The following TEDC1 variants were observed in gnomAD, a reference collection of about 807,000 sequenced individuals.
The protein encoded by TEDC1 is tubulin epsilon and delta complex protein 1.
Under a neutral mutation model 59.9 loss-of-function variants are expected in TEDC1, and 54 were observed. That is an observed-to-expected ratio of 0.90 (90% CI 0.72 to 1.13). The LOEUF (loss-of-function observed/expected upper bound fraction) is 1.13. Among genes scored for constraint, TEDC1 ranks in the 50% most tolerant of loss-of-function variants. The pLI is 0.00. For missense variants in TEDC1, 734 were observed against 683.4 expected (o/e 1.07, Z -0.83); for synonymous variants, 353 against 298.1 (o/e 1.18, Z -1.90).
At position 105,497,242 on chromosome 14, in the gene TEDC1, C is replaced by T. The variant is rs180968258; in HGVS notation, c.892-115C>T. Reference sequence around the variant, plus strand: ...CGCAGGCAGGGGAGGGCTGCAGGGGCGGGGCGTGAGCTAGGCGTTGGGCCG... The same window carrying T: ...CGCAGGCAGGGGAGGGCTGCAGGGGTGGGGCGTGAGCTAGGCGTTGGGCCG... On this transcript the variant is annotated intron_variant, in intron 6 of 8. Coordinates refer to ENST00000392523, the MANE Select transcript of TEDC1 (RefSeq NM_001367178.1). 1,238 of 1,007,992 alleles carry T rather than the reference C, an allele frequency of 1.2e-3. 1 individual carries two copies. Among genetic ancestry groups the T allele is most frequent in the Admixed American group, 2.3e-3 (109 of 48,042 alleles). The allele number at this position is 1,007,992 out of a possible 1,614,324, so 62.4% of individuals were successfully genotyped here.
intron 6 of TEDC1, 53 bp downstream of exon 6, chr14:105,496,139 T>TGTTGGTGGGTGTGGGGGGGGGGGGG: frequency 3.1e-5 from 1 of 32,264 alleles, no homozygotes; most frequent in Non-Finnish European, 5.1e-5. Flanking sequence ...TGGGGGTGGG[T>TGTTGGTGGGTGTGGGGGGGGGGGGG]GGGAGGGGGT....
rs781817985 is a variant in TEDC1 at position 105,492,238 on chromosome 14, C to T, written c.358C>T (p.Arg120Ter). 3.0e-5 allele frequency: 49 copies of T among 1,611,412 alleles called. No homozygotes were observed. The highest frequency in any genetic ancestry group is 7.7e-5 in the South Asian group (7 of 91,084). Residue 120 changes from arginine (R) to a stop codon, truncating the protein, a stop_gained, in exon 3 of 9, where the codon CGA (arginine) becomes TGA (stop). Coordinates refer to ENST00000392523, the MANE Select transcript of TEDC1 (RefSeq NM_001367178.1). LOFTEE classifies it high-confidence loss of function. ...LLLALSWLLARGPVPEQMLAQ... is the reference protein window; with the variant it reads ...LLLALSWLLA ...GCTGGCTCTGTCCTGGCTCTTGGCC[C>T]GAGGACCTGTGCCCGAGCAGATGCT...
At position 105,498,897 on chromosome 14, in the gene TEDC1, T is replaced by A; in HGVS notation, c.1439T>A (p.Leu480Gln). The change falls in exon 9 of 9, where the codon CTG becomes CAG. Residue 480 changes from leucine to glutamine, a missense_variant. Physicochemically the swap from Leu to Gln is moderately radical, Grantham distance 113 (BLOSUM62 -2). Coordinates refer to ENST00000392523, the MANE Select transcript of TEDC1 (RefSeq NM_001367178.1). ...QGQCRQELAR[L>Q]VGARPGLIWI... ...CAGTGTCGGCAGGAACTGGCCAGGC[T>A]GGTGGGAGCCCGCCCTGGTCTCATC... The A allele has an allele frequency of 1.2e-6, 2 of 1,611,538 alleles. No homozygotes were observed. Among genetic ancestry groups the A allele is most frequent in the Non-Finnish European group, 8.5e-7 (1 of 1,179,670 alleles).
At chr14:105,491,972 A>T in intron 2 of TEDC1, 135 bp from the exon 3 acceptor site, 1 of 998,934 alleles carries the variant, frequency 1.0e-6, no homozygotes, top group Non-Finnish European at 1.5e-6. Context: ...TCTGAGTTCT[A>T]GCTCTCCCAC....
At chr14:105,498,038 G>A in intron 8 of TEDC1, 61 bp downstream of exon 8, 1 of 1,438,248 alleles carries the variant, frequency 7.0e-7, no homozygotes, top group South Asian at 1.4e-5. Flanking sequence ...TGGCTGACCT[G>A]AGGGCACTTT....
At position 105,491,476 on chromosome 14, in the gene TEDC1, C is replaced by T. The variant is rs2084206262; in HGVS notation, c.101C>T (p.Pro34Leu). Residue 34 changes from proline to leucine, a missense_variant, in exon 1 of 9, where the codon CCC (proline) becomes CTC (leucine). Coordinates refer to ENST00000392523, the MANE Select transcript of TEDC1 (RefSeq NM_001367178.1). ...AALSRSLPSG[P>L]SPEIFRRAKF... ...TTGAGTCGGTCGCTGCCCTCGGGAC[C>T]CAGCCCCGAGATCTTCCGCCGCGCC... 3 of 1,482,904 alleles carry T rather than the reference C, an allele frequency of 2.0e-6. No individual in the cohort carries two copies. In the East Asian group the frequency reaches 7.6e-5, roughly 38 times the overall value. The allele number at this position is 1,482,904 out of a possible 1,614,324, so 91.9% of individuals were successfully genotyped here. A position where few individuals can be genotyped will look rare whatever the true frequency, so the allele number is the denominator to read the frequency against.
intron 1 of TEDC1, 37 bp downstream of exon 1, chr14:105,491,559 G>A (rs1442794490): frequency 3.2e-6 from 5 of 1,539,366 alleles, no homozygotes; most frequent in African/African-American, 1.4e-5. Flanking sequence ...GCCGGGTGGG[G>A]TCCCGGGCCC....
Position 105,497,543 on chromosome 14 carries a change from T to C in TEDC1, c.978+100T>C, listed in dbSNP as rs112909540. On this transcript the variant is annotated intron_variant, in intron 7 of 8. Coordinates refer to ENST00000392523, the MANE Select transcript of TEDC1 (RefSeq NM_001367178.1). ...CTGTTTTCCAGACAGGAAGAGGGGC[T>C]TTTAGGGAGGCCACAGACCTAGTGT... is the stretch of plus-strand genomic sequence containing the variant. 158 of 1,396,530 alleles carry C rather than the reference T, an allele frequency of 1.1e-4. 1 individual carries two copies. In the African/African-American group the frequency reaches 1.5e-3, roughly 13 times the overall value. 86.5% of individuals were successfully genotyped at this position (1,396,530 alleles called of 1,614,324 possible). A position where few individuals can be genotyped will look rare whatever the true frequency, so the allele number is the denominator to read the frequency against.
chr14:105,494,013 C>A, intron 5 of TEDC1, 80 bp downstream of exon 5: 1 of 492,258 alleles, frequency 2.0e-6, no homozygotes, highest in Non-Finnish European at 3.1e-6. Context: ...GTGGGAGGGG[C>A]CTGGGGGCGG....
chr14:105,490,455 C>G (rs1293318102), upstream of TEDC1: 3 of 152,426 alleles, frequency 2.0e-5, no homozygotes, highest in African/African-American at 7.2e-5. Flanking sequence ...TCCCCGCAGA[C>G]AGCCCCACGT....
intron 5 of TEDC1, chr14:105,495,433 C>G (rs1232572527): frequency 1.2e-5 from 2 of 162,460 alleles, no homozygotes; most frequent in Non-Finnish European, 2.7e-5. Flanking sequence ...CTGCTCGTAG[C>G]AAGGGCCTGT....
At position 105,491,591 on chromosome 14, in the gene TEDC1, C is replaced by T; in HGVS notation, c.148-31C>T. 3.9e-6 allele frequency: 6 copies of T among 1,548,660 alleles called. No homozygotes were observed. In the African/African-American group the frequency reaches 4.1e-5, roughly 11 times the overall value. ...GCCCTCGCAGGGAGTTGGGCCGGCT[C>T]CGCTGACCGCCCGCTTTTTATTTTC... On this transcript the variant is annotated intron_variant, in intron 1 of 8. Transcript: ENST00000392523.
chr14:105,494,255 G>A (rs1295238096), intron 5 of TEDC1: 2 of 409,764 alleles, frequency 4.9e-6, no homozygotes, highest in African/African-American at 4.1e-5. Context: ...GATCTCAGGT[G>A]TGAGCTGGTG....
At chr14:105,496,375 T>C (rs782402678) in intron 6 of TEDC1, 22 of 425,174 alleles carry the variant, frequency 5.2e-5, no homozygotes, top group Non-Finnish European at 7.7e-5. Flanking sequence ...TGTCCTCATA[T>C]TCTCTGACCG....
In TEDC1 at chr14:105,497,337, A is replaced by G. The variant is rs1555440616; in HGVS notation, c.892-20A>G. 1.3e-6 allele frequency: 2 copies of G among 1,549,244 alleles called. No individual in the cohort carries two copies. The highest frequency in any genetic ancestry group is 1.7e-6 in the Non-Finnish European group (2 of 1,146,738). ...GGGGTCCCGTGTGAGGTTCTAGGCC[A>G]GCTGCCGTTTGCCTTCCAGCTGCTG... On this transcript the variant is annotated intron_variant, in intron 6 of 8. Transcript: ENST00000392523.
At chr14:105,497,721 A>G in intron 7 of TEDC1, 77 bp from the exon 8 acceptor site, 1 of 1,439,956 alleles carries the variant, frequency 6.9e-7, no homozygotes. Context: ...GACCTGGGGG[A>G]CTACCACTGC....
At chr14:105,498,304 G>A (rs1555440927) in intron 8 of TEDC1, among the ~76,000 whole-genome samples, 2 of 152,212 alleles carry the variant, frequency 1.3e-5, no homozygotes, top group Non-Finnish European at 2.9e-5. Context: ...ACACCTGCCT[G>A]GGACCCGTCT....
chr14:105,493,907 C>A lies in TEDC1; in HGVS notation c.658C>A (p.Leu220Ile). The A allele has an allele frequency of 1.3e-6, 2 of 1,595,170 alleles. No homozygotes were observed. The highest frequency in any genetic ancestry group is 1.7e-6 in the Non-Finnish European group (2 of 1,176,500). ...SHLSVTEAEMLRDPEGGQQVS... is the reference protein window; with the variant it reads ...SHLSVTEAEMIRDPEGGQQVS... ...TCTGTCTGTCACTGAAGCAGAGATG[C>A]TCAGGGACCCAGAGGGAGGCCAGCA... is the stretch of plus-strand genomic sequence containing the variant. The change falls in exon 5 of 9, where the codon CTC becomes ATC. Residue 220 changes from leucine (L) to isoleucine (I), a missense_variant. By Grantham distance (5) the Leu-to-Ile change is conservative. Transcript: ENST00000392523.
chr14:105,497,456 G>A lies in TEDC1; in HGVS notation c.978+13G>A, dbSNP rs1301190218. On this transcript the variant is annotated intron_variant, in intron 7 of 8. Coordinates refer to ENST00000392523, the MANE Select transcript of TEDC1 (RefSeq NM_001367178.1). ...CTGGCGGTGGATGGTGAGGAAGCCC[G>A]CGCATCCCTCTCCCGGCATCCCTTC... 5.2e-6 allele frequency: 8 copies of A among 1,542,576 alleles called. No individual in the cohort carries two copies. Among genetic ancestry groups the A allele is most frequent in the East Asian group, 2.4e-5 (1 of 41,068 alleles).
Sources: allele counts gnomAD v4.1 joint callset (sites outside exome capture counted in the v4.1 genomes callset), GRCh38; gene constraint gnomAD v4.1.1; transcripts MANE v1.5; gene names NCBI Gene and HGNC (gene_info 2026-07-23, HGNC 2026-07-21).